Variants in ELK3 observed in about 807,000 individuals in gnomAD.
ELK3 encodes the protein ETS transcription factor ELK3.
ELK3 carries 10 observed loss-of-function variants against 28.9 expected under a neutral mutation model. The observed-to-expected ratio is 0.35, with a 90% CI of 0.21 to 0.59. The LOEUF is 0.59. Among genes scored for constraint, ELK3 ranks in the 20% least tolerant of loss-of-function variants. The pLI, the probability that ELK3 is intolerant of heterozygous loss-of-function variation, is 0.82. For missense variants in ELK3, 463 were observed against 517.3 expected (o/e 0.90, Z 1.02); for synonymous variants, 272 against 243.5 (o/e 1.12, Z -1.09).
At chr12:96,253,691 C>T (rs1592689742) in intron 3 of ELK3, among the ~76,000 whole-genome samples, 1 of 152,332 alleles carries the variant, frequency 6.6e-6, no homozygotes, top group Middle Eastern at 3.4e-3. Context: ...TCTTGTTTCT[C>T]TCTCCTTTAC....
chr12:96,211,013 A>G (rs1401365996), intron 1 of ELK3, among the ~76,000 whole-genome samples: 1 of 152,224 alleles, frequency 6.6e-6, no homozygotes, highest in Non-Finnish European at 1.5e-5. Flanking sequence ...GCCCCTGGAT[A>G]TGAGGCTCTG....
intron 1 of ELK3, among the ~76,000 whole-genome samples, chr12:96,223,081 C>T (rs1243216232): frequency 6.6e-6 from 1 of 152,158 alleles, no homozygotes; most frequent in African/African-American, 2.4e-5. Flanking sequence ...CCTTAGGATC[C>T]AGTCACTTCC....
chr12:96,255,941 T>TA (rs1951944757), intron 3 of ELK3, among the ~76,000 whole-genome samples: 1 of 152,140 alleles, frequency 6.6e-6, no homozygotes, highest in African/African-American at 2.4e-5. Context: ...TTGGGCAAGA[T>TA]AAAAAATGAG....
intron 3 of ELK3, among the ~76,000 whole-genome samples, chr12:96,259,501 G>A (rs536720406): frequency 3.9e-5 from 6 of 152,268 alleles, no homozygotes; most frequent in South Asian, 2.1e-4. Flanking sequence ...AACCAAGATC[G>A]CGCCATTGCA....
intron 4 of ELK3, among the ~76,000 whole-genome samples, chr12:96,265,030 G>C (rs942442361): frequency 6.6e-6 from 1 of 152,166 alleles, no homozygotes; most frequent in Admixed American, 6.5e-5. Flanking sequence ...CACTGACTTG[G>C]AGTAAGCAAT....
chr12:96,201,752 T>A (rs376083164), intron 1 of ELK3, among the ~76,000 whole-genome samples: 71 of 152,328 alleles, frequency 4.7e-4, no homozygotes, highest in Non-Finnish European at 2.6e-4. Flanking sequence ...ATCTGACTTA[T>A]AGACATATGC....
At chr12:96,225,547 C>A (rs1204191027) in intron 2 of ELK3, among the ~76,000 whole-genome samples, 1 of 152,248 alleles carries the variant, frequency 6.6e-6, no homozygotes, top group African/African-American at 2.4e-5. Flanking sequence ...CACTTCTTCC[C>A]CTTGTCTCCT....
chr12:96,230,715 T>TG (rs1316209139), intron 2 of ELK3, among the ~76,000 whole-genome samples: 1 of 152,138 alleles, frequency 6.6e-6, no homozygotes, highest in Non-Finnish European at 1.5e-5. Context: ...AAGGCGACCC[T>TG]GGGGGCGCCA....
chr12:96,237,489 G>A (rs1341386784), intron 2 of ELK3, among the ~76,000 whole-genome samples: 4 of 152,252 alleles, frequency 2.6e-5, no homozygotes, highest in African/African-American at 9.6e-5. Flanking sequence ...CAATGGCAGA[G>A]ACAGAGCAGA....
intron 2 of ELK3, among the ~76,000 whole-genome samples, chr12:96,229,475 C>T (rs891072589): frequency 6.6e-6 from 1 of 151,400 alleles, no homozygotes; most frequent in African/African-American, 2.4e-5. Flanking sequence ...CGGATCGCTG[C>T]CCCCATCATC....
In ELK3 at chr12:96,223,613, TG is replaced by T; in HGVS notation, c.49del (p.Asp17IlefsTer7). On this transcript the variant is annotated frameshift_variant, in exon 2 of 5. Transcript: ENST00000228741. LOFTEE classifies it high-confidence loss of function. The part of the protein sequence containing the change: ...TLWQFLLQLL[L>X]DQKHEHLICW... ...TGGCAGTTCCTGTTGCAGTTGCTGC[TG>T]GATCAGAAACATGAGCATTTGATCT... The T allele has an allele frequency of 6.2e-7, 1 of 1,614,196 alleles. No individual in the cohort carries two copies. Among genetic ancestry groups the T allele is most frequent in the Non-Finnish European group, 8.5e-7 (1 of 1,180,036 alleles).
At chr12:96,218,809 T>C (rs771729386) in intron 1 of ELK3, among the ~76,000 whole-genome samples, 11 of 151,898 alleles carry the variant, frequency 7.2e-5, no homozygotes, top group African/African-American at 2.2e-4. Flanking sequence ...CCACCACGCC[T>C]GGCTAATTTT....
At chr12:96,264,461 G>A (rs958340333) in intron 4 of ELK3, among the ~76,000 whole-genome samples, 2 of 152,146 alleles carry the variant, frequency 1.3e-5, no homozygotes, top group Non-Finnish European at 2.9e-5. Flanking sequence ...ATTACTAAGT[G>A]ATTAACATAC....
intron 1 of ELK3, among the ~76,000 whole-genome samples, chr12:96,201,433 C>T (rs545693094): frequency 1.5e-4 from 23 of 152,044 alleles, no homozygotes; most frequent in African/African-American, 4.3e-4. Flanking sequence ...TCAACCTGGG[C>T]AACATAGTGA....
At chr12:96,226,594 GCACA>G (rs1230899350) in intron 2 of ELK3, among the ~76,000 whole-genome samples, 7 of 149,580 alleles carry the variant, frequency 4.7e-5, no homozygotes, top group Non-Finnish European at 7.4e-5. Context: ...ATGTCCACAT[GCACA>G]CACACATATG....
At chr12:96,209,399 G>T (rs896976579) in intron 1 of ELK3, among the ~76,000 whole-genome samples, 3 of 152,180 alleles carry the variant, frequency 2.0e-5, no homozygotes, top group Non-Finnish European at 4.4e-5. Context: ...CACAATAGAA[G>T]AGTTGGAGGA....
chr12:96,222,509 C>T (rs1322634308), intron 1 of ELK3, among the ~76,000 whole-genome samples: 2 of 152,198 alleles, frequency 1.3e-5, no homozygotes, highest in African/African-American at 4.8e-5. Context: ...GGGAAGGTCT[C>T]TGCAATTGGC....
chr12:96,233,122 C>G (rs1471554045), intron 2 of ELK3, among the ~76,000 whole-genome samples: 1 of 152,208 alleles, frequency 6.6e-6, no homozygotes. Context: ...CTATTTCTCT[C>G]TGCTGGCCGA....
In ELK3 at chr12:96,228,469, G is replaced by A. The variant is rs112038975; in HGVS notation, c.207+4696G>A. Among the ~76,000 whole-genome samples, 487 of 146,340 alleles carry A rather than the reference G, an allele frequency of 3.3e-3. 3 individuals carry two copies. Among genetic ancestry groups the A allele is most frequent in the African/African-American group, 0.012 (455 of 39,290 alleles). ...AGAAGATCAAAACCTTTGTTGCTAC[G>A]TTGCTGCTCAGGCACATGGAGATAG... On this transcript the variant is annotated intron_variant, in intron 2 of 4. Coordinates refer to ENST00000228741, the MANE Select transcript of ELK3 (RefSeq NM_005230.4).
Sources: gnomAD v4.1 joint callset for allele counts (sites outside exome capture counted in the v4.1 genomes callset) on GRCh38, gnomAD v4.1.1 for gene constraint, MANE v1.5 for transcripts, NCBI Gene and HGNC (gene_info 2026-07-23, HGNC 2026-07-21) for gene names.